The following CHST9 variants were observed in gnomAD, a reference collection of about 807,000 sequenced individuals.
CHST9 encodes the protein GalNAc-4-sulfotransferase 2.
CHST9 carries 41 observed loss-of-function variants against 44.4 expected under a neutral mutation model. That is an observed-to-expected ratio of 0.92 (90% CI 0.72 to 1.20). The LOEUF is 1.20. Ranked by LOEUF, CHST9 falls within the 50% of genes most tolerant of loss-of-function variation. The probability of loss-of-function intolerance (pLI) is 0.00; values close to 1 mark genes in which losing one functional copy is unlikely to be tolerated. For synonymous variants in CHST9, 171 were observed against 178.4 expected (o/e 0.96, Z 0.33); for missense variants, 504 against 516.5 (o/e 0.98, Z 0.23).
chr18:26,975,737 A>G (rs10460098), intron 4 of CHST9, among the ~76,000 whole-genome samples: 95 of 85,894 alleles, frequency 1.1e-3, no homozygotes, highest in Non-Finnish European at 1.7e-3. Context: ...ATATATATAT[A>G]TATATATATA....
At position 27,053,256 on chromosome 18, in the gene CHST9, AAGAAGGAGAAGG is replaced by A. The variant is rs1222225670; in HGVS notation, c.122-4765_122-4754del. Among the ~76,000 whole-genome samples the A allele has an allele frequency of 3.5e-3, 280 of 80,460 alleles. 9 individuals are homozygous for A. Among genetic ancestry groups the A allele is most frequent in the African/African-American group, 6.5e-3 (149 of 22,848 alleles). 52.8% of individuals were successfully genotyped at this position (80,460 alleles called of 152,430 possible). A position where few individuals can be genotyped will look rare whatever the true frequency, so the allele number is the denominator to read the frequency against. On this transcript the variant is annotated intron_variant, in intron 2 of 5. Transcript: ENST00000618847. ...GAAGAAGAAGAAGAAGAAGAAGAAG[AAGAAGGAGAAGG>A]AGAAGGAGAAGGAGAAGGAGAAGGA...
At chr18:27,157,144 G>C (rs1448528959) in intron 1 of CHST9, among the ~76,000 whole-genome samples, 1 of 152,000 alleles carries the variant, frequency 6.6e-6, no homozygotes, top group Non-Finnish European at 1.5e-5. Flanking sequence ...CCAGATATGT[G>C]ACATAGCTAT....
intron 3 of CHST9, among the ~76,000 whole-genome samples, chr18:27,038,378 T>C (rs1182703768): frequency 6.6e-6 from 1 of 152,100 alleles, no homozygotes; most frequent in Admixed American, 6.6e-5. Flanking sequence ...AAACCCCGTC[T>C]GTACTAAAAA....
At chr18:26,925,063 C>T (rs763451852) in intron 5 of CHST9, among the ~76,000 whole-genome samples, 12 of 151,316 alleles carry the variant, frequency 7.9e-5, no homozygotes, top group Non-Finnish European at 1.6e-4. Flanking sequence ...TAGGGAGATA[C>T]AAATAAGAAA....
intron 4 of CHST9, among the ~76,000 whole-genome samples, chr18:26,995,432 C>T (rs58271926): frequency 0.37 from 48,422 of 129,514 alleles, 8,928 homozygotes; most frequent in East Asian, 0.49. Flanking sequence ...AGCGAGACTC[C>T]GTCTCAAAAA....
At chr18:26,981,067 T>C (rs2056686070) in intron 4 of CHST9, among the ~76,000 whole-genome samples, 1 of 152,214 alleles carries the variant, frequency 6.6e-6, no homozygotes, top group South Asian at 2.1e-4. Context: ...CCCTTTTTCT[T>C]ATATTCACAT....
intron 3 of CHST9, among the ~76,000 whole-genome samples, chr18:27,036,175 G>A (rs974734948): frequency 7.2e-5 from 11 of 152,062 alleles, no homozygotes; most frequent in African/African-American, 2.7e-4. Context: ...GATTCAGGTT[G>A]GTGAAAAGAG....
intron 1 of CHST9, among the ~76,000 whole-genome samples, chr18:27,183,149 C>G (rs1490439982): frequency 2.0e-5 from 3 of 152,090 alleles, no homozygotes; most frequent in Admixed American, 6.5e-5. Flanking sequence ...CAGATTTTTA[C>G]TGGAGTATAC....
intron 3 of CHST9, among the ~76,000 whole-genome samples, chr18:27,042,769 CTCTA>C (rs1008592986): frequency 5.9e-5 from 9 of 151,914 alleles, no homozygotes; most frequent in African/African-American, 1.2e-4. Context: ...GCTCTTCTCT[CTCTA>C]TCTCTCTCTC....
At chr18:26,961,147 G>A (rs2056393269) in intron 4 of CHST9, among the ~76,000 whole-genome samples, 4 of 152,148 alleles carry the variant, frequency 2.6e-5, no homozygotes, top group Admixed American at 2.6e-4. Context: ...CCTCACTTCT[G>A]AGCCTACATC....
At chr18:26,970,974 T>C (rs1246396548) in intron 4 of CHST9, among the ~76,000 whole-genome samples, 3 of 152,236 alleles carry the variant, frequency 2.0e-5, no homozygotes, top group African/African-American at 4.8e-5. Flanking sequence ...TGCTTGTCTA[T>C]GTCCTCAAGG....
chr18:27,067,067 C>G (rs1320863757), intron 2 of CHST9, among the ~76,000 whole-genome samples: 13 of 152,060 alleles, frequency 8.5e-5, no homozygotes, highest in Admixed American at 8.5e-4. Context: ...TTTTCTAATT[C>G]TACTTTCTTG....
At chr18:27,092,472 T>C (rs2058078627) in intron 2 of CHST9, among the ~76,000 whole-genome samples, 1 of 152,216 alleles carries the variant, frequency 6.6e-6, no homozygotes, top group Non-Finnish European at 1.5e-5. Context: ...CTTAATTATT[T>C]ATTGCCTTCT....
chr18:27,046,327 T>C (rs181761772), intron 3 of CHST9, among the ~76,000 whole-genome samples: 92 of 152,164 alleles, frequency 6.0e-4, no homozygotes, highest in Admixed American at 1.8e-3. Flanking sequence ...TCTTGGTAGG[T>C]CCCAGTTTTA....
chr18:26,967,671 G>C (rs1406334378), intron 4 of CHST9, among the ~76,000 whole-genome samples: 3 of 152,174 alleles, frequency 2.0e-5, no homozygotes, highest in Non-Finnish European at 4.4e-5. Context: ...AGGTGTGTGT[G>C]ATGGTTAATA....
intron 5 of CHST9, among the ~76,000 whole-genome samples, chr18:26,927,351 G>T (rs1349923480): frequency 1.3e-5 from 2 of 152,128 alleles, no homozygotes; most frequent in Non-Finnish European, 2.9e-5. Flanking sequence ...ACTGAGAAAA[G>T]AAAGAGATAC....
chr18:27,169,908 G>GA (rs1598776754), intron 1 of CHST9, among the ~76,000 whole-genome samples: 1 of 152,176 alleles, frequency 6.6e-6, no homozygotes, highest in East Asian at 1.9e-4. Flanking sequence ...CGCCTGGCCA[G>GA]AAAATATATA....
intron 4 of CHST9, among the ~76,000 whole-genome samples, chr18:27,006,320 G>T (rs903432876): frequency 6.6e-6 from 1 of 152,090 alleles, no homozygotes; most frequent in African/African-American, 2.4e-5. Context: ...TATACACTGG[G>T]TGTGGAGAGG....
intron 4 of CHST9, among the ~76,000 whole-genome samples, chr18:26,960,698 G>A (rs573842163): frequency 7.2e-4 from 110 of 152,296 alleles, no homozygotes; most frequent in African/African-American, 2.5e-3. Flanking sequence ...AGCATAAATG[G>A]GTTAAGGGCA....
Sources: allele counts gnomAD v4.1 joint callset (sites outside exome capture counted in the v4.1 genomes callset), GRCh38; gene constraint gnomAD v4.1.1; transcripts MANE v1.5; gene names NCBI Gene and HGNC (gene_info 2026-07-23, HGNC 2026-07-21).